The following GGPS1 variants were observed in gnomAD, a reference collection of about 807,000 sequenced individuals.
GGPS1 encodes geranylgeranyl diphosphate synthase 1.
Under a neutral mutation model 28.1 loss-of-function variants are expected in GGPS1, and 15 were observed. The ratio of observed to expected loss-of-function variants is 0.53; its 90% CI spans 0.36 to 0.82. The LOEUF (loss-of-function observed/expected upper bound fraction) is 0.82. Among genes scored for constraint, GGPS1 ranks in the 40% least tolerant of loss-of-function variants. GGPS1 has a pLI of 0.01. For synonymous variants in GGPS1, 138 were observed against 122.4 expected, an observed-to-expected ratio of 1.13 and a Z score of -0.84; for missense variants, 284 against 348.3, an observed-to-expected ratio of 0.82 and a Z score of 1.47.
At chr1:235,341,353 C>T (rs549358997) in intron 2 of GGPS1, among the ~76,000 whole-genome samples, 1 of 152,068 alleles carries the variant, frequency 6.6e-6, no homozygotes, top group Non-Finnish European at 1.5e-5. Context: ...AACTAGCTTC[C>T]TTTTCAAAAA....
intron 2 of GGPS1, among the ~76,000 whole-genome samples, chr1:235,339,294 G>A (rs887297653): frequency 6.6e-6 from 1 of 150,766 alleles, no homozygotes; most frequent in African/African-American, 2.4e-5. Flanking sequence ...AGCAAAACTC[G>A]ATCTCAGAAA....
At chr1:235,340,864 T>C (rs943763917) in intron 2 of GGPS1, among the ~76,000 whole-genome samples, 2 of 151,858 alleles carry the variant, frequency 1.3e-5, no homozygotes, top group Non-Finnish European at 2.9e-5. Flanking sequence ...CTTCAGTGCA[T>C]GATGATCTCA....
In GGPS1 at chr1:235,342,751, G is replaced by A. The variant is rs1676091715; in HGVS notation, c.882G>A (p.Met294Ile). 6.3e-7 allele frequency: 1 copy of A among 1,579,468 alleles called. No homozygotes were observed. Among genetic ancestry groups the A allele is most frequent in the Non-Finnish European group, 8.6e-7 (1 of 1,165,472 alleles). The change falls in exon 4 of 4, where the codon ATG (methionine) becomes ATA (isoleucine). Residue 294 changes from methionine to isoleucine, a missense_variant. Transcript: ENST00000282841. ...CCTTAGTAAAACACTTAAGTAAGAT[G>A]TTCAAAGAAGAAAATGAATAATGTT... ...LVALVKHLSK[M>I]FKEENE
Position 235,342,600 on chromosome 1 carries a change from A to T in GGPS1, c.731A>T (p.Lys244Ile), listed in dbSNP as rs756368919. 6.2e-7 allele frequency: 1 copy of T among 1,612,002 alleles called. No individual in the cohort carries two copies. Residue 244 changes from lysine to isoleucine, a missense_variant, in exon 4 of 4, where the codon AAA (lysine) becomes ATA (isoleucine). By Grantham distance (102) the Lys-to-Ile change is moderately radical. Transcript: ENST00000282841. ...LRQRTENIDI[K>I]KYCVHYLEDV... ...CAGAGAACAGAAAACATAGATATAA[A>T]AAAATACTGTGTACATTATCTTGAG...
Position 235,343,338 on chromosome 1 carries a change from G to C in GGPS1, c.*566G>C, listed in dbSNP as rs1242105681. ...TGGGAGGCCGAGGCGGGCAGATCAC[G>C]AGGTCAGGAGATCGAGACCATCCTG... is the stretch of plus-strand genomic sequence containing the variant. On this transcript the variant is annotated 3_prime_UTR_variant, in exon 4 of 4. Coordinates refer to ENST00000282841, the MANE Select transcript of GGPS1 (RefSeq NM_004837.4). The C allele has an allele frequency of 6.2e-6, 1 of 160,852 alleles. No individual in the cohort carries two copies. Among genetic ancestry groups the C allele is most frequent in the Non-Finnish European group, 1.5e-5 (1 of 68,258 alleles). 10.0% of individuals were successfully genotyped at this position (160,852 alleles called of 1,614,324 possible). A position where few individuals can be genotyped will look rare whatever the true frequency, so the allele number is the denominator to read the frequency against.
chr1:235,343,159 T>C lies in GGPS1; in HGVS notation c.*387T>C. On this transcript the variant is annotated 3_prime_UTR_variant, in exon 4 of 4. Transcript: ENST00000282841. Reference sequence around the variant, plus strand: ...CAGTTCCAAGCCAGTTTCTATTAGCTAGCTGGACCAAAGACCACAAATCTC... The same window carrying C: ...CAGTTCCAAGCCAGTTTCTATTAGCCAGCTGGACCAAAGACCACAAATCTC... 1 of 170,966 alleles carries C rather than the reference T, an allele frequency of 5.8e-6. No individual in the cohort carries two copies. The highest frequency in any genetic ancestry group is 6.5e-5 in the Admixed American group (1 of 15,486). The allele number at this position is 170,966 out of a possible 1,614,324, so 10.6% of individuals were successfully genotyped here.
At chr1:235,334,962 A>T (rs1238902758) in intron 1 of GGPS1, among the ~76,000 whole-genome samples, 1 of 151,764 alleles carries the variant, frequency 6.6e-6, no homozygotes, top group Non-Finnish European at 1.5e-5. Flanking sequence ...TGACCTCATG[A>T]TCTACCCACC....
chr1:235,331,264 C>G (rs909538595), intron 1 of GGPS1, among the ~76,000 whole-genome samples: 3 of 152,020 alleles, frequency 2.0e-5, no homozygotes, highest in African/African-American at 4.8e-5. Context: ...AAAATGATTT[C>G]TTTTGGTGGA....
chr1:235,334,001 A>G (rs1675796010), intron 1 of GGPS1, among the ~76,000 whole-genome samples: 1 of 152,232 alleles, frequency 6.6e-6, no homozygotes, highest in Non-Finnish European at 1.5e-5. Context: ...GTAGAGATTC[A>G]ACAGTACAGG....
chr1:235,327,777 G>A (rs1374797004), upstream of GGPS1: 1 of 152,690 alleles, frequency 6.5e-6, no homozygotes, highest in Admixed American at 6.5e-5. Flanking sequence ...ACCTTCCTCG[G>A]AGGCGAGATC....
At chr1:235,334,562 C>T (rs1263568113) in intron 1 of GGPS1, among the ~76,000 whole-genome samples, 3 of 152,158 alleles carry the variant, frequency 2.0e-5, no homozygotes, top group Admixed American at 6.6e-5. Context: ...TTGATCCCTG[C>T]GAAAAGAAAC....
intron 2 of GGPS1, among the ~76,000 whole-genome samples, chr1:235,339,648 T>C (rs1675970945): frequency 6.6e-6 from 1 of 151,738 alleles, no homozygotes; most frequent in African/African-American, 2.4e-5. Flanking sequence ...TAATCCCAGC[T>C]ACTTGGGAGG....
At chr1:235,327,932 G>C (rs1017436840), upstream of GGPS1, 1 of 152,508 alleles carries the variant, frequency 6.6e-6, no homozygotes, top group African/African-American at 2.4e-5. Context: ...GCGGCGACTG[G>C]TACCTTTGTT....
intron 1 of GGPS1, among the ~76,000 whole-genome samples, chr1:235,332,481 G>C (rs1282128495): frequency 2.0e-5 from 3 of 152,132 alleles, no homozygotes; most frequent in Non-Finnish European, 4.4e-5. Flanking sequence ...TGGACACTTA[G>C]GTTGATTCCA....
intron 2 of GGPS1, among the ~76,000 whole-genome samples, chr1:235,339,473 CACAAACAA>C (rs548474481): frequency 5.3e-5 from 8 of 151,284 alleles, no homozygotes; most frequent in African/African-American, 1.5e-4. Context: ...ACTTCATCTC[CACAAACAA>C]ACAAACAAAC....
chr1:235,340,735 CAAAAA>C (rs1165162184), intron 2 of GGPS1, among the ~76,000 whole-genome samples: 1 of 50,992 alleles, frequency 2.0e-5, no homozygotes, highest in African/African-American at 8.4e-5. Flanking sequence ...GACTCCGTCT[CAAAAA>C]AAAAAAAAAA....
intron 2 of GGPS1, among the ~76,000 whole-genome samples, chr1:235,339,455 A>G (rs1675964522): frequency 6.6e-6 from 1 of 151,800 alleles, no homozygotes; most frequent in Non-Finnish European, 1.5e-5. Context: ...CCTAGGTGAC[A>G]GAGCAAAACT....
chr1:235,332,926 G>T (rs373037070), intron 1 of GGPS1, among the ~76,000 whole-genome samples: 1 of 151,862 alleles, frequency 6.6e-6, no homozygotes, highest in African/African-American at 2.4e-5. Context: ...AAATTAGCTG[G>T]GCGTGGTGGT....
At chr1:235,339,329 G>A (rs1299656774) in intron 2 of GGPS1, among the ~76,000 whole-genome samples, 1 of 151,680 alleles carries the variant, frequency 6.6e-6, no homozygotes, top group Non-Finnish European at 1.5e-5. Flanking sequence ...TTAGCTAGGC[G>A]TAGTGACGCA....
Sources: gnomAD v4.1 joint callset for allele counts (sites outside exome capture counted in the v4.1 genomes callset) on GRCh38, gnomAD v4.1.1 for gene constraint, MANE v1.5 for transcripts, NCBI Gene and HGNC (gene_info 2026-07-23, HGNC 2026-07-21) for gene names.